Variants in STMN2 observed in about 807,000 individuals in gnomAD.
STMN2 encodes stathmin 2.
In STMN2, 2 loss-of-function variants were observed where a neutral mutation model predicts 24.1. The ratio of observed to expected loss-of-function variants is 0.08; its 90% CI spans 0.03 to 0.26. The LOEUF (loss-of-function observed/expected upper bound fraction) is 0.26. Ranked by LOEUF, STMN2 falls within the 10% of genes least tolerant of loss-of-function variation. STMN2 has a pLI of 1.00. For synonymous variants in STMN2, 83 were observed against 77.5 expected, an observed-to-expected ratio of 1.07 and a Z score of -0.37; for missense variants, 114 against 213.6, an observed-to-expected ratio of 0.53 and a Z score of 2.91.
intron 4 of STMN2, among the ~76,000 whole-genome samples, chr8:79,659,058 A>G (rs558441315): frequency 6.6e-6 from 1 of 152,360 alleles, no homozygotes; most frequent in Non-Finnish European, 1.5e-5. Context: ...ATTATATTTT[A>G]GTATTTTTTG....
At chr8:79,626,705 G>T (rs1004554376) in intron 1 of STMN2, among the ~76,000 whole-genome samples, 25 of 152,106 alleles carry the variant, frequency 1.6e-4, no homozygotes, top group Admixed American at 4.6e-4. Context: ...GCAACCAATG[G>T]ATATGCATTT....
At chr8:79,632,851 G>T (rs577736894) in intron 1 of STMN2, among the ~76,000 whole-genome samples, 8 of 152,216 alleles carry the variant, frequency 5.3e-5, no homozygotes, top group Admixed American at 3.3e-4. Flanking sequence ...ACAACAAAAT[G>T]ATAAGTGTTA....
chr8:79,654,888 G>A lies in STMN2; in HGVS notation c.306G>A (p.Val102=), dbSNP rs1163203119. Residue 102 remains valine, a synonymous_variant, in exon 4 of 5, where the codon GTG becomes GTA. Coordinates refer to ENST00000220876, the MANE Select transcript of STMN2 (RefSeq NM_007029.4). The part of the protein sequence containing the change: ...EERRKSQEAQ[V]LKQLAEKREH... ...TTCCCCAGTCTCAGGAGGCCCAGGT[G>A]CTGAAACAATTGGCAGAGAAGAGGG... is the stretch of plus-strand genomic sequence containing the variant. 2.5e-6 allele frequency: 4 copies of A among 1,613,106 alleles called. No homozygotes were observed. Among genetic ancestry groups the A allele is most frequent in the Non-Finnish European group, 1.7e-6 (2 of 1,179,340 alleles).
chr8:79,620,987 C>T, intron 1 of STMN2: 9 of 985,160 alleles, frequency 9.1e-6, no homozygotes, highest in Non-Finnish European at 1.1e-5. Flanking sequence ...CCCCAAGCAG[C>T]AGGCCAGGAC....
At chr8:79,642,877 T>C (rs1411272577) in intron 3 of STMN2, among the ~76,000 whole-genome samples, 1 of 149,320 alleles carries the variant, frequency 6.7e-6, no homozygotes, top group Non-Finnish European at 1.5e-5. Flanking sequence ...GCATGTCATA[T>C]ATATATATAT....
In STMN2 at chr8:79,664,878, A is replaced by G. The variant is rs764857285; in HGVS notation, c.*4A>G. 2 of 1,612,948 alleles carry G rather than the reference A, an allele frequency of 1.2e-6. No individual in the cohort carries two copies. The highest frequency in any genetic ancestry group is 1.7e-6 in the Non-Finnish European group (2 of 1,179,446). On this transcript the variant is annotated 3_prime_UTR_variant, in exon 5 of 5. Transcript: ENST00000220876. ...CCAGGTTGAACTGTCTGGCTGAAGC[A>G]AGGGAGGGTCTGGCACGCCCCACCA...
At chr8:79,613,060 G>A (rs535722359) in intron 1 of STMN2, among the ~76,000 whole-genome samples, 1 of 152,048 alleles carries the variant, frequency 6.6e-6, no homozygotes, top group Non-Finnish European at 1.5e-5. Flanking sequence ...GCGCGAGACC[G>A]CAGAGGTGAC....
intron 1 of STMN2, among the ~76,000 whole-genome samples, chr8:79,634,146 C>A (rs1389537475): frequency 2.0e-5 from 3 of 152,168 alleles, no homozygotes; most frequent in East Asian, 1.9e-4. Flanking sequence ...GAATGCATTT[C>A]TCTTCCAAAA....
intron 1 of STMN2, among the ~76,000 whole-genome samples, chr8:79,613,257 G>A (rs1366154452): frequency 1.3e-5 from 2 of 152,050 alleles, no homozygotes; most frequent in East Asian, 1.9e-4. Flanking sequence ...GCGCGGCTCG[G>A]CCCCACCCCT....
At chr8:79,635,479 A>G (rs1391071079) in intron 1 of STMN2, among the ~76,000 whole-genome samples, 1 of 152,230 alleles carries the variant, frequency 6.6e-6, no homozygotes, top group Non-Finnish European at 1.5e-5. Flanking sequence ...AGCACTATTC[A>G]CAATAGCTAA....
chr8:79,623,031 T>C (rs576824547), intron 1 of STMN2, among the ~76,000 whole-genome samples: 1 of 152,296 alleles, frequency 6.6e-6, no homozygotes, highest in South Asian at 2.1e-4. Flanking sequence ...ACACCCTTCC[T>C]TCAGCTAGGT....
intron 4 of STMN2, among the ~76,000 whole-genome samples, chr8:79,664,549 T>C (rs542542917): frequency 6.6e-6 from 1 of 152,308 alleles, no homozygotes; most frequent in South Asian, 2.1e-4. Flanking sequence ...TATACTCTGA[T>C]CCTAATATTC....
chr8:79,641,842 C>G (rs1268508356), intron 3 of STMN2, among the ~76,000 whole-genome samples: 1 of 152,092 alleles, frequency 6.6e-6, no homozygotes, highest in African/African-American at 2.4e-5. Context: ...GTGCCCCTTC[C>G]CGTATATTGA....
chr8:79,649,449 T>C (rs146539292), intron 3 of STMN2, among the ~76,000 whole-genome samples: 1 of 152,314 alleles, frequency 6.6e-6, no homozygotes, highest in African/African-American at 2.4e-5. Flanking sequence ...CAACACAAAG[T>C]GAATATTGTA....
chr8:79,623,276 C>G (rs1019450379), intron 1 of STMN2, among the ~76,000 whole-genome samples: 1 of 152,272 alleles, frequency 6.6e-6, no homozygotes, highest in Non-Finnish European at 1.5e-5. Flanking sequence ...AGGTACCAAT[C>G]AATAATCTGT....
At chr8:79,616,540 A>G (rs1279490863) in intron 1 of STMN2, among the ~76,000 whole-genome samples, 1 of 152,226 alleles carries the variant, frequency 6.6e-6, no homozygotes, top group Non-Finnish European at 1.5e-5. Context: ...GATTCAATAC[A>G]TCTGGCTTGA....
At chr8:79,629,884 C>G (rs950855870) in intron 1 of STMN2, among the ~76,000 whole-genome samples, 1 of 152,160 alleles carries the variant, frequency 6.6e-6, no homozygotes, top group African/African-American at 2.4e-5. Flanking sequence ...TTTTATAAGA[C>G]ATACTCAGAT....
chr8:79,663,525 A>G lies in STMN2; in HGVS notation c.481-1290A>G, dbSNP rs535438427. The G allele has an allele frequency of 2.3e-4, 275 of 1,192,122 alleles. No homozygotes were observed. The Middle Eastern group carries it at 2.9e-3, about 13-fold the overall frequency. The allele number at this position is 1,192,122 out of a possible 1,614,324, so 73.8% of individuals were successfully genotyped here. A position where few individuals can be genotyped will look rare whatever the true frequency, so the allele number is the denominator to read the frequency against. ...TCAGTATTATGATATAAAGAACCCTATAAGTGTAGACTCCTTGAGATTAAT... is the reference window on the plus strand; with the variant it reads ...TCAGTATTATGATATAAAGAACCCTGTAAGTGTAGACTCCTTGAGATTAAT... On this transcript the variant is annotated intron_variant, in intron 4 of 4. Coordinates refer to ENST00000220876, the MANE Select transcript of STMN2 (RefSeq NM_007029.4).
intron 1 of STMN2, among the ~76,000 whole-genome samples, chr8:79,636,247 G>C (rs1006199355): frequency 6.6e-6 from 1 of 152,036 alleles, no homozygotes; most frequent in Non-Finnish European, 1.5e-5. Flanking sequence ...AGAAAAGATG[G>C]ACAGATAAGA....
Sources: allele counts gnomAD v4.1 joint callset (sites outside exome capture counted in the v4.1 genomes callset), GRCh38; gene constraint gnomAD v4.1.1; transcripts MANE v1.5; gene names NCBI Gene and HGNC (gene_info 2026-07-23, HGNC 2026-07-21).